Variants in BRAF observed in about 807,000 individuals in gnomAD.
BRAF encodes B-Raf proto-oncogene, serine/threonine kinase, also known as serine/threonine-protein kinase B-raf.
In BRAF, 16 loss-of-function variants were observed where a neutral mutation model predicts 104.6. The ratio of observed to expected loss-of-function variants is 0.15; its 90% CI spans 0.10 to 0.23. BRAF has a LOEUF of 0.23. Ranked by LOEUF, BRAF falls within the 10% of genes least tolerant of loss-of-function variation. The probability of loss-of-function intolerance (pLI) is 1.00; values close to 1 mark genes in which losing one functional copy is unlikely to be tolerated. For missense variants in BRAF, 541 were observed against 937.3 expected, an observed-to-expected ratio of 0.58 and a Z score of 5.52; for synonymous variants, 310 against 341.6, an observed-to-expected ratio of 0.91 and a Z score of 1.02.
intron 3 of BRAF, among the ~76,000 whole-genome samples, chr7:140,822,154 CTAAAA>C (rs1281014050): frequency 2.6e-5 from 4 of 151,962 alleles, no homozygotes; most frequent in Non-Finnish European, 5.9e-5. Flanking sequence ...CCTCCTGAAT[CTAAAA>C]TAAAAGTTGA....
intron 1 of BRAF, among the ~76,000 whole-genome samples, chr7:140,902,849 TAGA>T (rs974022015): frequency 6.6e-6 from 1 of 150,712 alleles, no homozygotes; most frequent in African/African-American, 2.4e-5. Flanking sequence ...GTGATCTGGA[TAGA>T]AGATCAAACC....
chr7:140,797,926 A>T (rs1473131037), intron 7 of BRAF, among the ~76,000 whole-genome samples: 2 of 152,216 alleles, frequency 1.3e-5, no homozygotes, highest in East Asian at 3.8e-4. Flanking sequence ...ACGGGAATAA[A>T]ATGACTCCAC....
At chr7:140,905,948 C>T (rs867045272) in intron 1 of BRAF, among the ~76,000 whole-genome samples, 3 of 149,166 alleles carry the variant, frequency 2.0e-5, no homozygotes, top group African/African-American at 5.0e-5. Flanking sequence ...ATTAGCCGGG[C>T]GTAGTGGCGG....
chr7:140,834,040 G>T (rs1807065602), intron 3 of BRAF: 1 of 157,124 alleles, frequency 6.4e-6, no homozygotes, highest in African/African-American at 2.4e-5. Context: ...ATACAGATGG[G>T]TTACTTATTA....
intron 1 of BRAF, among the ~76,000 whole-genome samples, chr7:140,891,101 G>T (rs1267582528): frequency 6.6e-6 from 1 of 152,168 alleles, no homozygotes; most frequent in Admixed American, 6.5e-5. Context: ...CTACAAAGTG[G>T]TTACTTCAAA....
At chr7:140,878,968 A>G (rs1260186217) in intron 1 of BRAF, among the ~76,000 whole-genome samples, 1 of 151,708 alleles carries the variant, frequency 6.6e-6, no homozygotes, top group Non-Finnish European at 1.5e-5. Context: ...TCCACCTCCC[A>G]GGTTTAAGCG....
chr7:140,891,948 AT>A (rs1490605387), intron 1 of BRAF, among the ~76,000 whole-genome samples: 9 of 152,210 alleles, frequency 5.9e-5, no homozygotes, highest in African/African-American at 2.2e-4. Context: ...AAGGAAGTTT[AT>A]ACAATTCTAA....
At chr7:140,775,555 T>C (rs1800260539) in intron 14 of BRAF, among the ~76,000 whole-genome samples, 1 of 151,478 alleles carries the variant, frequency 6.6e-6, no homozygotes, top group South Asian at 2.1e-4. Flanking sequence ...GTCAGGCTAG[T>C]CTTGAACTCC....
At chr7:140,795,672 C>A (rs953747723) in intron 7 of BRAF, among the ~76,000 whole-genome samples, 2 of 152,086 alleles carry the variant, frequency 1.3e-5, no homozygotes, top group Admixed American at 1.3e-4. Context: ...AATTTTACTT[C>A]TTTGAAGCAT....
chr7:140,820,480 GAATA>G (rs1805357896), intron 3 of BRAF, among the ~76,000 whole-genome samples: 1 of 152,068 alleles, frequency 6.6e-6, no homozygotes, highest in East Asian at 1.9e-4. Context: ...AACAATACAT[GAATA>G]AATATATAAT....
chr7:140,871,922 TAA>T (rs1415940655), intron 1 of BRAF, among the ~76,000 whole-genome samples: 1 of 152,042 alleles, frequency 6.6e-6, no homozygotes, highest in African/African-American at 2.4e-5. Context: ...ACAAAAATAC[TAA>T]ATTGCACAGA....
At chr7:140,867,075 G>A (rs145696906) in intron 1 of BRAF, among the ~76,000 whole-genome samples, 140 of 152,210 alleles carry the variant, frequency 9.2e-4, no homozygotes, top group African/African-American at 2.9e-3. Flanking sequence ...CCAATAACAA[G>A]TAGGTGATAA....
chr7:140,838,376 T>C (rs1357228309), intron 2 of BRAF, among the ~76,000 whole-genome samples: 1 of 152,104 alleles, frequency 6.6e-6, no homozygotes, highest in Non-Finnish European at 1.5e-5. Flanking sequence ...AAAAATCCAA[T>C]AAATATTTGT....
At chr7:140,820,407 T>C (rs766956249) in intron 3 of BRAF, among the ~76,000 whole-genome samples, 2 of 152,196 alleles carry the variant, frequency 1.3e-5, no homozygotes, top group South Asian at 2.1e-4. Flanking sequence ...CTTAAATATA[T>C]ACTGCAACAT....
At chr7:140,869,581 C>T (rs767059055) in intron 1 of BRAF, among the ~76,000 whole-genome samples, 35 of 150,618 alleles carry the variant, frequency 2.3e-4, no homozygotes, top group Non-Finnish European at 4.3e-4. Flanking sequence ...TGCGGTGAGC[C>T]GAAATCACGC....
chr7:140,818,255 A>G (rs570155036), intron 3 of BRAF, among the ~76,000 whole-genome samples: 27 of 152,168 alleles, frequency 1.8e-4, no homozygotes, highest in African/African-American at 6.5e-4. Context: ...TGTTCATTGT[A>G]GGTGACTAAA....
intron 9 of BRAF, 36 bp downstream of exon 9, chr7:140,787,508 TTTCC>T (rs1439792182): frequency 1.3e-6 from 2 of 1,579,206 alleles, no homozygotes; most frequent in South Asian, 1.1e-5. Context: ...GCAATTGCAG[TTTCC>T]TTGAGTTTTT....
At chr7:140,904,135 A>G (rs1418519880) in intron 1 of BRAF, among the ~76,000 whole-genome samples, 1 of 152,240 alleles carries the variant, frequency 6.6e-6, no homozygotes. Flanking sequence ...TGTGGTTCAA[A>G]TGCTACCAGA....
chr7:140,744,621 A>G (rs961411197), intron 17 of BRAF, among the ~76,000 whole-genome samples: 1 of 152,222 alleles, frequency 6.6e-6, no homozygotes, highest in African/African-American at 2.4e-5. Context: ...TAATTTAGAT[A>G]AAATTTCTCA....
Sources: gnomAD v4.1 joint callset for allele counts (sites outside exome capture counted in the v4.1 genomes callset) on GRCh38, gnomAD v4.1.1 for gene constraint, MANE v1.5 for transcripts, NCBI Gene and HGNC (gene_info 2026-07-23, HGNC 2026-07-21) for gene names.